The following IQCM variants were observed in gnomAD, a reference collection of about 807,000 sequenced individuals.
IQCM encodes the protein IQ motif containing M.
In IQCM, 45 loss-of-function variants were observed where a neutral mutation model predicts 57.6. The observed-to-expected ratio is 0.78, with a 90% CI of 0.62 to 1.00. The LOEUF is 1.00. Ranked by LOEUF, IQCM falls within the 50% of genes least tolerant of loss-of-function variation. The pLI, the probability that IQCM is intolerant of heterozygous loss-of-function variation, is 0.00. For missense variants in IQCM, 468 were observed against 511.6 expected (o/e 0.91, Z 0.82); for synonymous variants, 148 against 158.9 (o/e 0.93, Z 0.51).
At chr4:149,411,982 T>C (rs1391889621) in intron 13 of IQCM, among the ~76,000 whole-genome samples, 6 of 152,210 alleles carry the variant, frequency 3.9e-5, no homozygotes. Flanking sequence ...ATAGTCTTTT[T>C]AGATGGATAT....
intron 7 of IQCM, among the ~76,000 whole-genome samples, chr4:149,642,271 T>G (rs1758260143): frequency 6.6e-6 from 1 of 152,176 alleles, no homozygotes; most frequent in African/African-American, 2.4e-5. Context: ...TTTAAAAGAT[T>G]CATATATATG....
chr4:149,543,856 A>G (rs1003259132), intron 12 of IQCM, among the ~76,000 whole-genome samples: 1 of 152,216 alleles, frequency 6.6e-6, no homozygotes, highest in Non-Finnish European at 1.5e-5. Flanking sequence ...AAAGTCACTT[A>G]AACAACCTAA....
intron 10 of IQCM, among the ~76,000 whole-genome samples, chr4:149,553,750 T>C (rs1165744054): frequency 3.3e-5 from 5 of 152,212 alleles, no homozygotes; most frequent in Non-Finnish European, 7.3e-5. Context: ...TTAAGGTTTT[T>C]TTGTTGTTGT....
intron 12 of IQCM, among the ~76,000 whole-genome samples, chr4:149,468,560 C>T (rs1025452842): frequency 3.4e-5 from 5 of 146,266 alleles, no homozygotes; most frequent in Admixed American, 7.0e-5. Flanking sequence ...CAGGGCATAG[C>T]TGAACAAAAG....
At chr4:149,619,712 T>C (rs997029747) in intron 8 of IQCM, among the ~76,000 whole-genome samples, 2 of 152,196 alleles carry the variant, frequency 1.3e-5, no homozygotes, top group South Asian at 2.1e-4. Flanking sequence ...ATGGACTAAA[T>C]TGTGTCCCTT....
At chr4:149,403,576 A>G (rs1221942849) in intron 13 of IQCM, among the ~76,000 whole-genome samples, 2 of 151,700 alleles carry the variant, frequency 1.3e-5, no homozygotes, top group Admixed American at 6.6e-5. Flanking sequence ...CTTTAGGCCA[A>G]TTTTTCACTA....
Position 149,719,355 on chromosome 4 carries a change from A to G in IQCM, c.385+13889T>C, listed in dbSNP as rs536048510. Among the ~76,000 whole-genome samples, 264 of 151,946 alleles carry G rather than the reference A, an allele frequency of 1.7e-3. 1 individual carries two copies. The highest frequency in any genetic ancestry group is 5.1e-3 in the African/African-American group (212 of 41,468). On this transcript the variant is annotated intron_variant, in intron 5 of 13. Coordinates refer to ENST00000636793, the MANE Select transcript of IQCM (RefSeq NM_001363507.2). ...ACAAAAGTCAGTCTTAAAAAAAAAA[A>G]AAAGAAAAAAGAAAAAAGAAAGGTG...
intron 2 of IQCM, among the ~76,000 whole-genome samples, chr4:149,746,197 C>T (rs1463366684): frequency 6.6e-6 from 1 of 152,116 alleles, no homozygotes; most frequent in African/African-American, 2.4e-5. Context: ...CACCTCAATC[C>T]TCCTAACCCT....
chr4:149,468,982 C>G (rs1428098861), intron 12 of IQCM, among the ~76,000 whole-genome samples: 1 of 152,158 alleles, frequency 6.6e-6, no homozygotes, highest in Non-Finnish European at 1.5e-5. Flanking sequence ...ACGTCACCAT[C>G]ATCAAAGACC....
intron 6 of IQCM, 53 bp downstream of exon 6, chr4:149,686,325 G>T: frequency 1.2e-6 from 1 of 865,024 alleles, no homozygotes; most frequent in Non-Finnish European, 1.5e-6. Context: ...AGGGAATATT[G>T]GCAAAGTAGA....
chr4:149,449,893 G>T (rs1289531811), intron 12 of IQCM, among the ~76,000 whole-genome samples: 1 of 151,460 alleles, frequency 6.6e-6, no homozygotes, highest in Non-Finnish European at 1.5e-5. Flanking sequence ...AAGACCGAGA[G>T]TAGCCAAAGC....
intron 9 of IQCM, among the ~76,000 whole-genome samples, chr4:149,578,110 C>G (rs992283814): frequency 6.6e-6 from 1 of 151,666 alleles, no homozygotes; most frequent in African/African-American, 2.4e-5. Context: ...GATCACGGAA[C>G]CTTTAGGCAG....
intron 8 of IQCM, among the ~76,000 whole-genome samples, chr4:149,619,963 C>A (rs950123437): frequency 6.6e-6 from 1 of 152,026 alleles, no homozygotes; most frequent in African/African-American, 2.4e-5. Context: ...TTGAGACCAG[C>A]CTAACCAATA....
chr4:149,714,992 A>T (rs910354616), intron 5 of IQCM, among the ~76,000 whole-genome samples: 2 of 152,218 alleles, frequency 1.3e-5, no homozygotes, highest in African/African-American at 4.8e-5. Context: ...TTTCCCATTT[A>T]ATACTTTCAG....
chr4:149,669,128 C>T (rs1260089312), intron 7 of IQCM, among the ~76,000 whole-genome samples: 1 of 152,204 alleles, frequency 6.6e-6, no homozygotes, highest in African/African-American at 2.4e-5. Flanking sequence ...TCCACATCCT[C>T]TCCAGCACCT....
chr4:149,777,826 A>C (rs1279018785), intron 2 of IQCM, among the ~76,000 whole-genome samples: 1 of 152,180 alleles, frequency 6.6e-6, no homozygotes, highest in South Asian at 2.1e-4. Flanking sequence ...GGACTGACGC[A>C]GTGGTGCGTT....
At chr4:149,431,632 T>C (rs1681841586) in intron 13 of IQCM, among the ~76,000 whole-genome samples, 2 of 152,126 alleles carry the variant, frequency 1.3e-5, no homozygotes, top group Middle Eastern at 3.4e-3. Context: ...TGCTGCCTCT[T>C]TGTAGTAAAA....
chr4:149,730,977 G>A (rs965113228), intron 5 of IQCM, among the ~76,000 whole-genome samples: 6 of 152,038 alleles, frequency 3.9e-5, no homozygotes, highest in South Asian at 2.1e-4. Context: ...CAATCTTCAC[G>A]TACCTCTCAA....
intron 7 of IQCM, among the ~76,000 whole-genome samples, chr4:149,672,584 G>A (rs895658991): frequency 1.3e-5 from 2 of 152,072 alleles, no homozygotes; most frequent in African/African-American, 2.4e-5. Flanking sequence ...AGAAAAAAGA[G>A]TAAAAAGAAA....
Sources: gnomAD v4.1 joint callset for allele counts (sites outside exome capture counted in the v4.1 genomes callset) on GRCh38, gnomAD v4.1.1 for gene constraint, MANE v1.5 for transcripts, NCBI Gene and HGNC (gene_info 2026-07-23, HGNC 2026-07-21) for gene names.